CBX2: variants seen among roughly 807,000 people sequenced by gnomAD.
CBX2 encodes chromobox 2.
In CBX2, 11 loss-of-function variants were observed where a neutral mutation model predicts 21.0. The observed-to-expected ratio is 0.52, with a 90% CI of 0.33 to 0.87. CBX2 has a LOEUF of 0.87. Among genes scored for constraint, CBX2 ranks in the 40% least tolerant of loss-of-function variants. The probability of loss-of-function intolerance (pLI) is 0.02; values close to 1 mark genes in which losing one functional copy is unlikely to be tolerated. For synonymous variants in CBX2, 364 were observed against 304.6 expected (o/e 1.19, Z -2.03); for missense variants, 746 against 724.3 (o/e 1.03, Z -0.34).
chr17:79,782,080 C>T, intron 4 of CBX2: 1 of 1,613,782 alleles, frequency 6.2e-7, no homozygotes, highest in Middle Eastern at 1.6e-4. Context: ...CAAACTGCTG[C>T]AGACAAGCAC....
intron 4 of CBX2, chr17:79,782,358 C>T (rs1907290837): frequency 2.1e-6 from 3 of 1,449,090 alleles, no homozygotes; most frequent in African/African-American, 1.4e-5. Flanking sequence ...TGTCCTGTCA[C>T]CCCTCCTCGC....
intron 4 of CBX2, chr17:79,782,471 G>T (rs1555830658): frequency 5.7e-6 from 7 of 1,234,782 alleles, no homozygotes; most frequent in Non-Finnish European, 5.1e-6. Flanking sequence ...CAGGATGGGG[G>T]AGGAGGGCCT....
intron 3 of CBX2, among the ~76,000 whole-genome samples, chr17:79,779,949 C>T (rs1907048581): frequency 6.6e-6 from 1 of 152,268 alleles, no homozygotes. Context: ...TTGCTCTGGC[C>T]TGCAGCATAC....
chr17:79,779,483 AGTC>A (rs1907001056), intron 3 of CBX2, 56 bp downstream of exon 3: 2 of 1,528,022 alleles, frequency 1.3e-6, no homozygotes, highest in Non-Finnish European at 1.8e-6. Context: ...GGCTGGTTGG[AGTC>A]GTGCTGGGCG....
chr17:79,778,097 G>A (rs1448832119), upstream of CBX2: 3 of 193,210 alleles, frequency 1.6e-5, no homozygotes, highest in Non-Finnish European at 2.8e-5. This position sits in a 1 kb window ranked among gnomAD's most constrained non-coding sequence, Gnocchi z 4.8. Context: ...CGGGGCGCGG[G>A]CGCGGAGCGG....
intron 3 of CBX2, among the ~76,000 whole-genome samples, chr17:79,781,189 CAT>C (rs782442935): frequency 3.3e-5 from 5 of 152,118 alleles, no homozygotes; most frequent in African/African-American, 4.8e-5. Flanking sequence ...CAAGGAGAGT[CAT>C]GTGCCAGCAG....
At chr17:79,780,814 G>C (rs1399268548) in intron 3 of CBX2, among the ~76,000 whole-genome samples, 1 of 152,160 alleles carries the variant, frequency 6.6e-6, no homozygotes, top group Non-Finnish European at 1.5e-5. Flanking sequence ...TATTTCAGCG[G>C]AGGAGATCCA....
rs1555831049 is a variant in CBX2, at chr17:79,784,062, C to T, written c.619C>T (p.Pro207Ser). The T allele has an allele frequency of 1.2e-6, 2 of 1,612,600 alleles. No individual in the cohort carries two copies. Among genetic ancestry groups the T allele is most frequent in the Non-Finnish European group, 1.7e-6 (2 of 1,179,816 alleles). ...CAAGCTGCCCCCTCCACTCAGCGCC[C>T]CCGTTGCAGGCCTGGCAGCTCTGAA... ...ASKLPPPLSA[P>S]VAGLAALKAH... The change falls in exon 5 of 5, where the codon CCC becomes TCC. Residue 207 changes from proline to serine, a missense_variant. By Grantham distance (74) the Pro-to-Ser change is moderately conservative. This residue lies in a region of CBX2 where 701 missense variants were observed against 650.7 expected (regional missense o/e 1.08). Coordinates refer to ENST00000310942, the MANE Select transcript of CBX2 (RefSeq NM_005189.3). This position sits in a 1 kb window ranked among gnomAD's most constrained non-coding sequence, Gnocchi z 5.9.
In CBX2 at chr17:79,778,185, C is replaced by T. The variant is rs1489785540; in HGVS notation, c.-51C>T. The stretch of plus-strand genomic sequence containing the variant: ...GCTGCCGGCGGGGCGCGCGGCGGTC[C>T]GGGCGGGTGACTGGCGGCGGGCGCC... On this transcript the variant is annotated 5_prime_UTR_variant, in exon 1 of 5. Coordinates refer to ENST00000310942, the MANE Select transcript of CBX2 (RefSeq NM_005189.3). This position sits in a 1 kb window ranked among gnomAD's most constrained non-coding sequence, Gnocchi z 4.8. 30 of 1,138,510 alleles carry T rather than the reference C, an allele frequency of 2.6e-5. No individual in the cohort carries two copies. The Admixed American group carries it at 4.0e-4, about 15-fold the overall frequency. 70.5% of individuals were successfully genotyped at this position (1,138,510 alleles called of 1,614,324 possible).
At chr17:79,782,299 G>C in intron 4 of CBX2, 1 of 1,521,788 alleles carries the variant, frequency 6.6e-7, no homozygotes, top group Non-Finnish European at 8.8e-7. Flanking sequence ...GGCCTTGGAG[G>C]AGGGCAGAGG....
At chr17:79,782,315 T>C (rs1907286353) in intron 4 of CBX2, 1 of 1,503,470 alleles carries the variant, frequency 6.7e-7, no homozygotes, top group South Asian at 1.3e-5. Context: ...AGAGGCAGTG[T>C]GGGCTGATGA....
At chr17:79,783,158 T>C (rs1555830812) in intron 4 of CBX2, among the ~76,000 whole-genome samples, 3 of 152,222 alleles carry the variant, frequency 2.0e-5, no homozygotes, top group African/African-American at 4.8e-5. Context: ...GACGGGGATG[T>C]CATGGTGTGG....
At position 79,784,605 on chromosome 17, in the gene CBX2, C is replaced by T; in HGVS notation, c.1162C>T (p.Pro388Ser). 1 of 1,612,614 alleles carries T rather than the reference C, an allele frequency of 6.2e-7. No homozygotes were observed. Among genetic ancestry groups the T allele is most frequent in the South Asian group, 1.1e-5 (1 of 91,072 alleles). Reference sequence around the variant, plus strand: ...GGGTGTCCCGGCCACCAACCCAGCCCCTGGGAAGGGCACTGGGAGTGGCCT... The same window carrying T: ...GGGTGTCCCGGCCACCAACCCAGCCTCTGGGAAGGGCACTGGGAGTGGCCT... ...TKGVPATNPA[P>S]GKGTGSGLIG... Residue 388 changes from proline (P) to serine (S), a missense_variant, in exon 5 of 5, where the codon CCT (proline) becomes TCT (serine). Pro to Ser is a moderately conservative substitution (Grantham distance 74). This residue lies in a region of CBX2 where 701 missense variants were observed against 650.7 expected (regional missense o/e 1.08). Transcript: ENST00000310942. This position sits in a 1 kb window ranked among gnomAD's most constrained non-coding sequence, Gnocchi z 5.9.
In CBX2 at chr17:79,785,343, T is replaced by A; in HGVS notation, c.*301T>A. The A allele has an allele frequency of 2.0e-6, 1 of 496,982 alleles. No homozygotes were observed. Among genetic ancestry groups the A allele is most frequent in the Non-Finnish European group, 3.7e-6 (1 of 271,172 alleles). The allele number at this position is 496,982 out of a possible 1,614,324, so 30.8% of individuals were successfully genotyped here. A position where few individuals can be genotyped will look rare whatever the true frequency, so the allele number is the denominator to read the frequency against. On this transcript the variant is annotated 3_prime_UTR_variant, in exon 5 of 5. Coordinates refer to ENST00000310942, the MANE Select transcript of CBX2 (RefSeq NM_005189.3). ...CACCTGTGGCTCCAGGTGACTGTCT[T>A]GAACAGAGCGGGCTTCTTCATGGCT...
In CBX2 at chr17:79,778,173, C is replaced by T. The variant is rs1423912109; in HGVS notation, c.-63C>T. On this transcript the variant is annotated 5_prime_UTR_variant, in exon 1 of 5. Coordinates refer to ENST00000310942, the MANE Select transcript of CBX2 (RefSeq NM_005189.3). The surrounding 1 kb of genome is among the most constrained non-coding windows in gnomAD (Gnocchi z 4.8). ...GGTGCTTTGTGTGCTGCCGGCGGGG[C>T]GCGCGGCGGTCCGGGCGGGTGACTG... 1.8e-4 allele frequency: 177 copies of T among 986,454 alleles called. 1 individual carries two copies. Among genetic ancestry groups the T allele is most frequent in the Non-Finnish European group, 5.4e-5 (42 of 784,256 alleles). The allele number at this position is 986,454 out of a possible 1,614,324, so 61.1% of individuals were successfully genotyped here. A position where few individuals can be genotyped will look rare whatever the true frequency, so the allele number is the denominator to read the frequency against.
rs1413978417 is a variant in CBX2, at chr17:79,787,210, ACTGCTCCAAAGC to A, written c.*2170_*2181del. The A allele has an allele frequency of 6.6e-6, 1 of 152,420 alleles. No individual in the cohort carries two copies. Among genetic ancestry groups the A allele is most frequent in the Non-Finnish European group, 1.5e-5 (1 of 68,066 alleles). 9.4% of individuals were successfully genotyped at this position (152,420 alleles called of 1,614,324 possible). On this transcript the variant is annotated 3_prime_UTR_variant, in exon 5 of 5. Coordinates refer to ENST00000310942, the MANE Select transcript of CBX2 (RefSeq NM_005189.3). ...TCCTGCTGAGCACTGTGCTACCTTC[ACTGCTCCAAAGC>A]CAGACTAACAGCTCTCCAAGCCCTT...
chr17:79,782,533 G>C (rs529023830), intron 4 of CBX2: 2 of 1,110,716 alleles, frequency 1.8e-6, no homozygotes, highest in East Asian at 1.3e-4. Context: ...ACTGTCCCTG[G>C]ACCTTCGCGT....
At chr17:79,781,908 G>C in intron 4 of CBX2, 107 bp downstream of exon 4, 2 of 1,614,202 alleles carry the variant, frequency 1.2e-6, no homozygotes, top group Non-Finnish European at 8.5e-7. Flanking sequence ...TGGCACTTCT[G>C]CCAACAGTCT....
At chr17:79,779,679 G>C in intron 3 of CBX2, 5 of 546,082 alleles carry the variant, frequency 9.2e-6, no homozygotes, top group South Asian at 4.5e-5. Context: ...TGGTGTTTCC[G>C]ACAGCCATAC....
Sources: gnomAD v4.1 joint callset for allele counts (sites outside exome capture counted in the v4.1 genomes callset) on GRCh38, gnomAD v4.1.1 for gene constraint, gnomAD v4.1.1 regional missense constraint, Gnocchi (gnomAD v3.1) non-coding constraint, MANE v1.5 for transcripts, NCBI Gene and HGNC (gene_info 2026-07-23, HGNC 2026-07-21) for gene names.